LAMA2: variants seen among roughly 807,000 people sequenced by gnomAD.
LAMA2 encodes the protein laminin subunit alpha-2.
Under a neutral mutation model 364.8 loss-of-function variants are expected in LAMA2, and 269 were observed. The ratio of observed to expected loss-of-function variants is 0.74; its 90% CI spans 0.67 to 0.82. The LOEUF is 0.82. Ranked by LOEUF, LAMA2 falls within the 40% of genes least tolerant of loss-of-function variation. The pLI is 0.00. For synonymous variants in LAMA2, 1,379 were observed against 1,370.6 expected (o/e 1.01, Z -0.14); for missense variants, 3,807 against 3,873.2 (o/e 0.98, Z 0.45).
intron 4 of LAMA2, among the ~76,000 whole-genome samples, chr6:129,106,062 A>T (rs1406080156): frequency 6.6e-6 from 1 of 152,114 alleles, no homozygotes; most frequent in African/African-American, 2.4e-5. Context: ...ACTGCAGCTC[A>T]ATGGAACTTA....
intron 12 of LAMA2, among the ~76,000 whole-genome samples, chr6:129,193,302 T>C (rs1355279756): frequency 2.6e-4 from 40 of 152,242 alleles, no homozygotes; most frequent in Admixed American, 2.6e-3. Flanking sequence ...GAATGTTAAT[T>C]GGAAAAGAAA....
intron 33 of LAMA2, among the ~76,000 whole-genome samples, chr6:129,367,740 A>C (rs879787250): frequency 6.6e-6 from 1 of 152,260 alleles, no homozygotes; most frequent in Admixed American, 6.5e-5. Flanking sequence ...AATAACTAAC[A>C]TTTATTGAAA....
At chr6:128,971,875 C>A (rs1782210348) in intron 1 of LAMA2, among the ~76,000 whole-genome samples, 1 of 152,134 alleles carries the variant, frequency 6.6e-6, no homozygotes, top group Non-Finnish European at 1.5e-5. Context: ...AGTGATGTAT[C>A]TTGCTGGAAG....
chr6:128,911,419 C>T (rs1345875834), intron 1 of LAMA2, among the ~76,000 whole-genome samples: 1 of 152,164 alleles, frequency 6.6e-6, no homozygotes, highest in Non-Finnish European at 1.5e-5. Context: ...GCCCATCACC[C>T]CTTTCTTTGA....
chr6:129,019,480 T>C (rs904691991), intron 1 of LAMA2, among the ~76,000 whole-genome samples: 12 of 151,912 alleles, frequency 7.9e-5, no homozygotes, highest in Non-Finnish European at 1.5e-4. Flanking sequence ...TTGTGGGTGA[T>C]GCCTTCAACT....
At chr6:129,369,329 A>T (rs1009964865) in intron 33 of LAMA2, among the ~76,000 whole-genome samples, 1 of 152,104 alleles carries the variant, frequency 6.6e-6, no homozygotes, top group South Asian at 2.1e-4. Context: ...TTAGTGTCCT[A>T]TGAGATTATT....
chr6:129,345,367 C>G (rs1583542423), intron 30 of LAMA2, among the ~76,000 whole-genome samples: 1 of 152,166 alleles, frequency 6.6e-6, no homozygotes, highest in East Asian at 1.9e-4. Flanking sequence ...TAGTTACACT[C>G]TCAGAGTCAT....
At chr6:128,962,185 T>TATATATATACACACACACAC (rs1214826895) in intron 1 of LAMA2, among the ~76,000 whole-genome samples, 2 of 103,918 alleles carry the variant, frequency 1.9e-5, no homozygotes, top group African/African-American at 7.4e-5. Context: ...TATATATATA[T>TATATATATACACACACACAC]ACACACATAC....
intron 1 of LAMA2, among the ~76,000 whole-genome samples, chr6:129,038,419 C>G (rs1209086654): frequency 6.6e-6 from 1 of 152,120 alleles, no homozygotes; most frequent in Non-Finnish European, 1.5e-5. Context: ...CAGGAACCAC[C>G]AATACTATTT....
At chr6:129,029,896 A>T (rs1255614963) in intron 1 of LAMA2, among the ~76,000 whole-genome samples, 2 of 151,978 alleles carry the variant, frequency 1.3e-5, no homozygotes, top group Non-Finnish European at 2.9e-5. Context: ...AATTGTAGAG[A>T]CTTCCCCCTT....
intron 29 of LAMA2, among the ~76,000 whole-genome samples, chr6:129,333,706 A>G (rs1775786733): frequency 1.3e-5 from 2 of 152,188 alleles, no homozygotes; most frequent in African/African-American, 2.4e-5. Context: ...GGGTTAATCT[A>G]TACACATTCT....
chr6:129,187,774 C>T (rs1054565800), intron 10 of LAMA2, among the ~76,000 whole-genome samples: 1 of 151,746 alleles, frequency 6.6e-6, no homozygotes, highest in African/African-American at 2.4e-5. Flanking sequence ...ATCTGAAATG[C>T]TCTAGTGAAC....
intron 4 of LAMA2, among the ~76,000 whole-genome samples, chr6:129,141,685 C>CA (rs1486662238): frequency 1.3e-5 from 2 of 151,976 alleles, no homozygotes; most frequent in African/African-American, 2.4e-5. Flanking sequence ...CCTCTCCTGT[C>CA]AAAAAATGTA....
chr6:129,454,240 C>T lies in LAMA2; in HGVS notation c.6659C>T (p.Pro2220Leu), dbSNP rs367665458. Residue 2220 changes from proline (P) to leucine (L), a missense_variant, in exon 47 of 65, where the codon CCA (proline) becomes CTA (leucine). Pro to Leu is a moderately conservative substitution (Grantham distance 98). Coordinates refer to ENST00000421865, the MANE Select transcript of LAMA2 (RefSeq NM_000426.4). ...VGSGVGRVEY[P>L]DLTIDDSYWY... ...TCTGGAGTTGGACGTGTAGAGTACC[C>T]AGATTTGACTATTGATGACTCATAT... 1 of 1,612,164 alleles carries T rather than the reference C, an allele frequency of 6.2e-7. No individual in the cohort carries two copies. The highest frequency in any genetic ancestry group is 8.5e-7 in the Non-Finnish European group (1 of 1,178,682).
chr6:129,027,004 C>G (rs1582896093), intron 1 of LAMA2, among the ~76,000 whole-genome samples: 1 of 151,922 alleles, frequency 6.6e-6, no homozygotes, highest in East Asian at 1.9e-4. Context: ...TTTAAGATAA[C>G]AGAAAACTAG....
At chr6:128,944,174 G>A (rs1363579046) in intron 1 of LAMA2, among the ~76,000 whole-genome samples, 1 of 152,168 alleles carries the variant, frequency 6.6e-6, no homozygotes, top group Non-Finnish European at 1.5e-5. Context: ...TCAAAGAATA[G>A]TCTATGGTTC....
At chr6:129,506,190 A>G (rs989311579) in intron 61 of LAMA2, among the ~76,000 whole-genome samples, 2 of 151,842 alleles carry the variant, frequency 1.3e-5, no homozygotes, top group Non-Finnish European at 2.9e-5. Context: ...CTGTCTCTAC[A>G]AAAATACAAA....
intron 42 of LAMA2, among the ~76,000 whole-genome samples, chr6:129,440,047 C>T (rs568274718): frequency 6.6e-6 from 1 of 151,992 alleles, no homozygotes; most frequent in Admixed American, 6.6e-5. Flanking sequence ...GTTATTATCC[C>T]CACTTTACAG....
At chr6:129,261,783 T>A (rs536607983) in intron 15 of LAMA2, among the ~76,000 whole-genome samples, 11 of 152,262 alleles carry the variant, frequency 7.2e-5, no homozygotes, top group Non-Finnish European at 1.5e-4. Flanking sequence ...GTGTTTCCTT[T>A]AACTGAGCTC....
Sources: allele counts gnomAD v4.1 joint callset (sites outside exome capture counted in the v4.1 genomes callset), GRCh38; gene constraint gnomAD v4.1.1; transcripts MANE v1.5; gene names NCBI Gene and HGNC (gene_info 2026-07-23, HGNC 2026-07-21).